MCF2L2: variants seen among roughly 807,000 people sequenced by gnomAD.
MCF2L2 encodes the protein MCF.2 cell line derived transforming sequence-like 2.
A neutral mutation model predicts 150.2 loss-of-function variants in MCF2L2; 102 were observed. That is an observed-to-expected ratio of 0.68 (90% confidence interval 0.58 to 0.80). MCF2L2 has a LOEUF of 0.80. Ranked by LOEUF, MCF2L2 falls within the 30% of genes least tolerant of loss-of-function variation. The pLI is 0.00. For synonymous variants in MCF2L2, 465 were observed against 491.3 expected (o/e 0.95, Z 0.71); for missense variants, 1,256 against 1,372.8 (o/e 0.91, Z 1.34).
intron 15 of MCF2L2, among the ~76,000 whole-genome samples, chr3:183,254,392 G>A (rs1724829069): frequency 6.6e-6 from 1 of 152,016 alleles, no homozygotes; most frequent in East Asian, 1.9e-4. Flanking sequence ...CTCTGAAAGC[G>A]CGGCGGAGAA....
At chr3:183,269,534 G>GCCGC (rs1175122883) in intron 15 of MCF2L2, 3 of 387,252 alleles carry the variant, frequency 7.7e-6, no homozygotes, top group Non-Finnish European at 1.4e-5. Context: ...GCCGCATGAG[G>GCCGC]CCGCCCACCA....
intron 2 of MCF2L2, among the ~76,000 whole-genome samples, chr3:183,379,756 T>C (rs150479752): frequency 1.3e-3 from 202 of 152,286 alleles, no homozygotes; most frequent in African/African-American, 4.8e-3. Context: ...AAAGTAATAT[T>C]GCATGGTGGT....
chr3:183,404,853 A>G (rs910073716), intron 1 of MCF2L2, among the ~76,000 whole-genome samples: 2 of 151,990 alleles, frequency 1.3e-5, no homozygotes, highest in Non-Finnish European at 2.9e-5. Context: ...ACAGTGCAAG[A>G]CTCCATCTCA....
chr3:183,295,814 C>T (rs185270395), intron 12 of MCF2L2, among the ~76,000 whole-genome samples: 6 of 152,134 alleles, frequency 3.9e-5, no homozygotes, highest in Non-Finnish European at 7.4e-5. Flanking sequence ...AAAAATTAGC[C>T]GGGTGTGGTG....
intron 13 of MCF2L2, among the ~76,000 whole-genome samples, chr3:183,292,969 G>C (rs1260619787): frequency 6.6e-6 from 1 of 152,118 alleles, no homozygotes; most frequent in Non-Finnish European, 1.5e-5. Context: ...AAGCACATGA[G>C]ACATGTAGGA....
chr3:183,264,877 A>C (rs1725948193), intron 15 of MCF2L2, among the ~76,000 whole-genome samples: 1 of 152,214 alleles, frequency 6.6e-6, no homozygotes, highest in Non-Finnish European at 1.5e-5. Context: ...TAGACTGAAA[A>C]GTATTTGGGA....
At chr3:183,381,867 T>C (rs765225797) in intron 2 of MCF2L2, among the ~76,000 whole-genome samples, 23 of 151,956 alleles carry the variant, frequency 1.5e-4, no homozygotes, top group Non-Finnish European at 2.7e-4. Flanking sequence ...TTCACAACTA[T>C]GGGAAGTTTC....
intron 15 of MCF2L2, among the ~76,000 whole-genome samples, chr3:183,264,547 G>T (rs1047899206): frequency 6.6e-6 from 1 of 152,198 alleles, no homozygotes; most frequent in Non-Finnish European, 1.5e-5. Context: ...ATAAGAACCC[G>T]CAGAGTAAAT....
chr3:183,373,317 A>C (rs1179642466), intron 3 of MCF2L2: 5 of 152,212 alleles, frequency 3.3e-5, no homozygotes, highest in African/African-American at 1.2e-4. Flanking sequence ...GAAGGTTTGT[A>C]ATTCAATAGT....
At chr3:183,408,371 C>T (rs1166972279) in intron 1 of MCF2L2, among the ~76,000 whole-genome samples, 1 of 152,208 alleles carries the variant, frequency 6.6e-6, no homozygotes, top group Non-Finnish European at 1.5e-5. Flanking sequence ...CCCCATTAGA[C>T]CGCAGGCTCC....
At chr3:183,205,700 C>A (rs1480174755) in intron 25 of MCF2L2, among the ~76,000 whole-genome samples, 176 bp downstream of exon 25, 3 of 152,118 alleles carry the variant, frequency 2.0e-5, no homozygotes, top group African/African-American at 7.2e-5. Context: ...TCACACAACC[C>A]CTCCACCTCC....
intron 6 of MCF2L2, among the ~76,000 whole-genome samples, chr3:183,319,485 T>C (rs1212356967): frequency 6.6e-6 from 1 of 152,240 alleles, no homozygotes; most frequent in East Asian, 1.9e-4. Context: ...TCCAGAATGA[T>C]GAATCCTTTC....
intron 18 of MCF2L2, 139 bp from the exon 19 acceptor site, chr3:183,224,329 T>G: frequency 1.6e-6 from 1 of 611,822 alleles, no homozygotes; most frequent in Non-Finnish European, 2.9e-6. Flanking sequence ...TAAGTAATCT[T>G]ATGTTGGGAT....
chr3:183,249,860 A>G (rs1306990276), intron 15 of MCF2L2, among the ~76,000 whole-genome samples: 1 of 152,206 alleles, frequency 6.6e-6, no homozygotes, highest in African/African-American at 2.4e-5. Flanking sequence ...CAAAAATTCA[A>G]TTCAACCTGC....
intron 3 of MCF2L2, among the ~76,000 whole-genome samples, chr3:183,349,625 CTTAT>C (rs1412701491): frequency 2.0e-5 from 3 of 152,190 alleles, no homozygotes; most frequent in East Asian, 1.9e-4. Context: ...ATTTGTCAGA[CTTAT>C]TTGTTTTCTG....
intron 1 of MCF2L2, among the ~76,000 whole-genome samples, chr3:183,402,649 T>TA (rs1219234622): frequency 2.6e-5 from 4 of 151,370 alleles, no homozygotes; most frequent in African/African-American, 7.3e-5. Flanking sequence ...AAAAGGTTTT[T>TA]AAAAAAACAA....
At chr3:183,209,494 T>G (rs1722612835) in intron 22 of MCF2L2, among the ~76,000 whole-genome samples, 1 of 152,106 alleles carries the variant, frequency 6.6e-6, no homozygotes, top group Non-Finnish European at 1.5e-5. Context: ...TATTTTTTAT[T>G]TTTTATTTTT....
intron 13 of MCF2L2, among the ~76,000 whole-genome samples, chr3:183,290,783 C>T (rs1234705470): frequency 3.9e-5 from 6 of 152,188 alleles, no homozygotes; most frequent in African/African-American, 7.2e-5. Flanking sequence ...CTGCCTGCCT[C>T]GGCCTCCCAA....
At chr3:183,289,010 G>A in intron 14 of MCF2L2, 110 bp downstream of exon 14, 1 of 727,164 alleles carries the variant, frequency 1.4e-6, no homozygotes, top group African/African-American at 1.7e-5. Context: ...TCTGTGCTAT[G>A]TGCCTTAGGT....
Sources: gnomAD v4.1 joint callset for allele counts (sites outside exome capture counted in the v4.1 genomes callset) on GRCh38, gnomAD v4.1.1 for gene constraint, MANE v1.5 for transcripts, NCBI Gene and HGNC (gene_info 2026-07-23, HGNC 2026-07-21) for gene names.